ANTXR1: variants seen among roughly 807,000 people sequenced by gnomAD.
ANTXR1 encodes the protein anthrax toxin receptor 1.
Under a neutral mutation model 78.1 loss-of-function variants are expected in ANTXR1, and 19 were observed. That is an observed-to-expected ratio of 0.24 (90% CI 0.17 to 0.36). The LOEUF is 0.36. Among genes scored for constraint, ANTXR1 ranks in the 10% least tolerant of loss-of-function variants. ANTXR1 has a pLI of 1.00. For synonymous variants in ANTXR1, 273 were observed against 260.5 expected (o/e 1.05, Z -0.46); for missense variants, 518 against 718.6 (o/e 0.72, Z 3.19).
chr2:69,207,511 A>G (rs959327309), intron 17 of ANTXR1, among the ~76,000 whole-genome samples: 3 of 152,212 alleles, frequency 2.0e-5, no homozygotes, highest in Non-Finnish European at 4.4e-5. Context: ...ACAGTTTTAC[A>G]TGTAGTAAAG....
chr2:69,091,022 G>C, intron 9 of ANTXR1, 103 bp downstream of exon 9: 1 of 1,210,370 alleles, frequency 8.3e-7, no homozygotes, highest in South Asian at 1.2e-5. Flanking sequence ...AGAGGAACAG[G>C]AAGGGGTAGG....
chr2:69,104,735 A>G (rs1022593698), intron 10 of ANTXR1, among the ~76,000 whole-genome samples: 3 of 152,138 alleles, frequency 2.0e-5, no homozygotes, highest in African/African-American at 7.2e-5. Context: ...TGGGCTGGGG[A>G]GAGAGAGAAT....
intron 17 of ANTXR1, among the ~76,000 whole-genome samples, chr2:69,217,174 A>G (rs186466034): frequency 4.7e-4 from 71 of 152,334 alleles, no homozygotes; most frequent in Non-Finnish European, 7.5e-4. Context: ...CCATCTGTTT[A>G]ATAATCTGTC....
intron 2 of ANTXR1, 128 bp from the exon 3 acceptor site, chr2:69,044,613 GC>G: frequency 1.1e-6 from 1 of 924,988 alleles, no homozygotes; most frequent in South Asian, 1.3e-5. Flanking sequence ...AGCCTAGGAG[GC>G]CCCCTGTGGG....
rs186163044 is a variant in ANTXR1, at chr2:69,223,458, T to C, written c.1435-21767T>C. 2.0e-5 allele frequency among the ~76,000 whole-genome samples: 3 copies of C among 152,328 alleles called. No individual in the cohort carries two copies. The East Asian group carries it at 5.8e-4, about 29-fold the overall frequency. On this transcript the variant is annotated intron_variant, in intron 17 of 17. Coordinates refer to ENST00000303714, the MANE Select transcript of ANTXR1 (RefSeq NM_032208.3). ...GTCCTGAGTTTTCCTACTTCCTTAT[T>C]ACACAAATGGAGGAATAAGGAAAGC... is the stretch of plus-strand genomic sequence containing the variant.
intron 2 of ANTXR1, among the ~76,000 whole-genome samples, chr2:69,044,522 G>A (rs556341943): frequency 6.6e-6 from 1 of 152,232 alleles, no homozygotes; most frequent in East Asian, 1.9e-4. Flanking sequence ...CAGGTCAGAA[G>A]CAGCCTCAGG....
chr2:69,022,163 C>A (rs1479221400), intron 1 of ANTXR1, among the ~76,000 whole-genome samples: 1 of 152,138 alleles, frequency 6.6e-6, no homozygotes, highest in African/African-American at 2.4e-5. Context: ...CCATGGAACA[C>A]AGACCACTGC....
intron 9 of ANTXR1, among the ~76,000 whole-genome samples, chr2:69,096,294 A>C (rs1481198879): frequency 1.0e-3 from 2 of 1,964 alleles, no homozygotes; most frequent in South Asian, 0.024. Flanking sequence ...GGAAGGGAGG[A>C]AGGGAGGAAG....
At chr2:69,137,699 G>T (rs1422434990) in intron 12 of ANTXR1, among the ~76,000 whole-genome samples, 1 of 151,070 alleles carries the variant, frequency 6.6e-6, no homozygotes, top group Non-Finnish European at 1.5e-5. Flanking sequence ...TGTGGTGGGA[G>T]GATCACTTGA....
rs1672276138 is a variant in ANTXR1, at chr2:69,119,534, CT to C, written c.803-3482del. On this transcript the variant is annotated intron_variant, in intron 10 of 17. Coordinates refer to ENST00000303714, the MANE Select transcript of ANTXR1 (RefSeq NM_032208.3). ...ACAAGCCTTTCCTGGAATGGAGAAT[CT>C]CTTAGTGAGAAAAGAGTAATGCAGA... Among the ~76,000 whole-genome samples, 2 of 152,224 alleles carry C rather than the reference CT, an allele frequency of 1.3e-5. 1 individual carries two copies. Among genetic ancestry groups the C allele is most frequent in the South Asian group, 4.1e-4 (2 of 4,828 alleles).
Position 69,077,419 on chromosome 2 carries a change from T to C in ANTXR1, c.573T>C (p.Ile191=). Residue 191 remains isoleucine, a synonymous_variant, in exon 8 of 18, where the codon ATT becomes ATC. Transcript: ENST00000303714. Reference sequence around the variant, plus strand: ...TGCTGTGTTCTCAGCTGGCCCGGATTGCGGACAGTAAGGATCATGTGTTTC... The same window carrying C: ...TGCTGTGTTCTCAGCTGGCCCGGATCGCGGACAGTAAGGATCATGTGTTTC... ...KDFNETQLAR[I]ADSKDHVFPV... 6.2e-7 allele frequency: 1 copy of C among 1,614,148 alleles called. No homozygotes were observed. Among genetic ancestry groups the C allele is most frequent in the Non-Finnish European group, 8.5e-7 (1 of 1,180,014 alleles).
At chr2:69,193,485 AC>A in intron 17 of ANTXR1, 70 bp downstream of exon 17, 1 of 1,306,032 alleles carries the variant, frequency 7.7e-7, no homozygotes, top group Non-Finnish European at 1.1e-6. Flanking sequence ...ACACACACAC[AC>A]ACACATATTC....
intron 17 of ANTXR1, among the ~76,000 whole-genome samples, chr2:69,233,917 A>C (rs1291820970): frequency 1.3e-5 from 2 of 152,098 alleles, no homozygotes; most frequent in African/African-American, 4.8e-5. Flanking sequence ...AAAATAGAGA[A>C]AAGAAACTTT....
At chr2:69,141,993 A>G (rs149128136) in intron 12 of ANTXR1, among the ~76,000 whole-genome samples, 132 of 152,376 alleles carry the variant, frequency 8.7e-4, no homozygotes, top group African/African-American at 3.2e-3. Flanking sequence ...TTCTTGGAGT[A>G]GTTTTAGTGT....
intron 12 of ANTXR1, among the ~76,000 whole-genome samples, chr2:69,146,627 C>T (rs1358631912): frequency 6.6e-6 from 1 of 152,214 alleles, no homozygotes; most frequent in African/African-American, 2.4e-5. Flanking sequence ...AAGTCAGGTC[C>T]ATGCAGGTCC....
At chr2:69,077,191 A>C in intron 7 of ANTXR1, 7 of 596,918 alleles carry the variant, frequency 1.2e-5, no homozygotes, top group Non-Finnish European at 2.1e-5. Context: ...AACAAATGTA[A>C]AAGCTGGAGC....
At chr2:69,167,740 T>C (rs974912798) in intron 13 of ANTXR1, among the ~76,000 whole-genome samples, 1 of 152,196 alleles carries the variant, frequency 6.6e-6, no homozygotes, top group Non-Finnish European at 1.5e-5. Flanking sequence ...TGGAGGTGCT[T>C]AATTCCTGTT....
At chr2:69,047,082 G>C (rs1451528301) in intron 3 of ANTXR1, among the ~76,000 whole-genome samples, 1 of 152,162 alleles carries the variant, frequency 6.6e-6, no homozygotes, top group African/African-American at 2.4e-5. Flanking sequence ...TTCGCAGGAT[G>C]CAAAATCCAC....
In ANTXR1 at chr2:69,057,078, C is replaced by T. The variant is rs188039733; in HGVS notation, c.296+12265C>T. On this transcript the variant is annotated intron_variant, in intron 3 of 17. Coordinates refer to ENST00000303714, the MANE Select transcript of ANTXR1 (RefSeq NM_032208.3). ...TTGAGATTTTTTTTGTGTGTAGATA[C>T]ATATAGCTGGTTGGCTCATTTTAAC... Among the ~76,000 whole-genome samples, 27 of 151,938 alleles carry T rather than the reference C, an allele frequency of 1.8e-4. No individual in the cohort carries two copies. The East Asian group carries it at 5.2e-3, about 29-fold the overall frequency.
Sources: allele counts gnomAD v4.1 joint callset (sites outside exome capture counted in the v4.1 genomes callset), GRCh38; gene constraint gnomAD v4.1.1; transcripts MANE v1.5; gene names NCBI Gene and HGNC (gene_info 2026-07-23, HGNC 2026-07-21).